Variants in MICU2 observed in about 807,000 individuals in gnomAD.
The protein encoded by MICU2 is mitochondrial calcium uptake 2.
Under a neutral mutation model 60.4 loss-of-function variants are expected in MICU2, and 64 were observed. The ratio of observed to expected loss-of-function variants is 1.06; its 90% CI spans 0.87 to 1.31. MICU2 has a LOEUF of 1.31. Ranked by LOEUF, MICU2 falls within the 50% of genes most tolerant of loss-of-function variation. The pLI is 0.00. For missense variants in MICU2, 569 were observed against 531.0 expected, an observed-to-expected ratio of 1.07 and a Z score of -0.70; for synonymous variants, 201 against 175.0, an observed-to-expected ratio of 1.15 and a Z score of -1.17.
In MICU2 at chr13:21,566,775, A is replaced by G. The variant is rs749678405; in HGVS notation, c.358+22T>C. 4 of 1,504,898 alleles carry G rather than the reference A, an allele frequency of 2.7e-6. No homozygotes were observed. The African/African-American group carries it at 5.7e-5, about 21-fold the overall frequency. 93.2% of individuals were successfully genotyped at this position (1,504,898 alleles called of 1,614,324 possible). On this transcript the variant is annotated intron_variant, in intron 2 of 11. Coordinates refer to ENST00000382374, the MANE Select transcript of MICU2 (RefSeq NM_152726.3). ...CCTGAAGTCTGATTTTTTTAATTAA[A>G]AAAAAAAAAGACCCAACTCACGTTC... is the stretch of plus-strand genomic sequence containing the variant.
Position 21,521,194 on chromosome 13 carries a change from CA to C in MICU2, c.597+50del, listed in dbSNP as rs1886707983. 3 of 1,344,710 alleles carry C rather than the reference CA, an allele frequency of 2.2e-6. No homozygotes were observed. The East Asian group carries it at 7.0e-5, about 32-fold the overall frequency. The allele number at this position is 1,344,710 out of a possible 1,614,324, so 83.3% of individuals were successfully genotyped here. A position where few individuals can be genotyped will look rare whatever the true frequency, so the allele number is the denominator to read the frequency against. On this transcript the variant is annotated intron_variant, in intron 6 of 11. Transcript: ENST00000382374. ...TTAATGGAAATGTAAAATTATCACA[CA>C]AACATCCAGGTATTTTATGATAAAC...
intron 1 of MICU2, among the ~76,000 whole-genome samples, chr13:21,590,019 T>G (rs1323885992): frequency 6.6e-6 from 1 of 152,208 alleles, no homozygotes; most frequent in Non-Finnish European, 1.5e-5. Context: ...GTGCTATTTC[T>G]TTTGCAGCAC....
intron 2 of MICU2, among the ~76,000 whole-genome samples, chr13:21,547,235 A>C (rs1021344405): frequency 6.6e-6 from 1 of 152,184 alleles, no homozygotes; most frequent in African/African-American, 2.4e-5. Context: ...TCCACTTTTG[A>C]TGGGGAGTGA....
chr13:21,519,196 A>T (rs28490553), intron 6 of MICU2, among the ~76,000 whole-genome samples: 3,237 of 152,240 alleles, frequency 0.021, 97 homozygotes, highest in African/African-American at 0.068. Context: ...AGCTGAGATT[A>T]CAGGCATACG....
intron 1 of MICU2, among the ~76,000 whole-genome samples, chr13:21,601,254 T>C (rs1888808999): frequency 6.6e-6 from 1 of 152,222 alleles, no homozygotes; most frequent in Non-Finnish European, 1.5e-5. Context: ...CACCTGTCCC[T>C]AAAGTAGTGG....
intron 1 of MICU2, among the ~76,000 whole-genome samples, chr13:21,597,792 G>A (rs1260984779): frequency 5.9e-5 from 9 of 151,842 alleles, no homozygotes; most frequent in African/African-American, 2.2e-4. Flanking sequence ...TTAGCCGGGC[G>A]TCATGGAGGG....
intron 8 of MICU2, among the ~76,000 whole-genome samples, chr13:21,507,216 G>T (rs1025041259): frequency 3.9e-5 from 6 of 151,946 alleles, no homozygotes; most frequent in African/African-American, 1.5e-4. Context: ...ATTTATAGAA[G>T]AACTAATTTA....
chr13:21,501,453 G>A (rs9509766), intron 9 of MICU2, among the ~76,000 whole-genome samples: 14,698 of 152,056 alleles, frequency 0.097, 823 homozygotes, highest in Middle Eastern at 0.2. Context: ...TAGTAGAGAC[G>A]TGGTTTCACC....
chr13:21,517,247 T>C (rs1190642317), intron 6 of MICU2, among the ~76,000 whole-genome samples: 1 of 152,256 alleles, frequency 6.6e-6, no homozygotes, highest in Non-Finnish European at 1.5e-5. Context: ...AAGGCTTTTA[T>C]TACCATACTT....
intron 1 of MICU2, among the ~76,000 whole-genome samples, chr13:21,594,413 C>A (rs1888649204): frequency 6.6e-6 from 1 of 152,172 alleles, no homozygotes. Flanking sequence ...GAAATAGGAA[C>A]ACTTTTACAC....
At chr13:21,597,637 T>C (rs73445744) in intron 1 of MICU2, among the ~76,000 whole-genome samples, 2,409 of 152,136 alleles carry the variant, frequency 0.016, 63 homozygotes, top group African/African-American at 0.056. Context: ...GTATATAAAA[T>C]AATTTCAGGG....
intron 1 of MICU2, among the ~76,000 whole-genome samples, chr13:21,583,877 T>A (rs1251796141): frequency 6.6e-6 from 1 of 152,232 alleles, no homozygotes; most frequent in East Asian, 1.9e-4. Context: ...ACAGTGTGAT[T>A]TAATCTCCTG....
chr13:21,598,225 A>G (rs1482560266), intron 1 of MICU2, among the ~76,000 whole-genome samples: 3 of 152,184 alleles, frequency 2.0e-5, no homozygotes, highest in Non-Finnish European at 4.4e-5. Flanking sequence ...AAAAAAAACT[A>G]AAGTATCCAA....
chr13:21,560,183 T>C (rs1490894297), intron 2 of MICU2, among the ~76,000 whole-genome samples: 1 of 152,238 alleles, frequency 6.6e-6, no homozygotes, highest in Non-Finnish European at 1.5e-5. Flanking sequence ...AATTTTAATA[T>C]GGTTGAATTT....
At chr13:21,538,838 C>T (rs1887202995) in intron 4 of MICU2, among the ~76,000 whole-genome samples, 1 of 152,112 alleles carries the variant, frequency 6.6e-6, no homozygotes, top group Admixed American at 6.5e-5. Flanking sequence ...GTTAAAATGT[C>T]AAACACTTCC....
At chr13:21,538,574 A>AAC (rs1325568800) in intron 4 of MICU2, among the ~76,000 whole-genome samples, 1 of 151,194 alleles carries the variant, frequency 6.6e-6, no homozygotes, top group African/African-American at 2.4e-5. Flanking sequence ...AAAAAAAAAA[A>AAC]AAAAAACCCC....
intron 4 of MICU2, among the ~76,000 whole-genome samples, chr13:21,538,562 C>CAAA (rs71650194): frequency 0.049 from 4,976 of 101,868 alleles, 392 homozygotes; most frequent in African/African-American, 0.15. Flanking sequence ...GACCCTGTCT[C>CAAA]AAAAAAAAAA....
At chr13:21,543,993 C>CTAGAAATACATCCA (rs1323562905) in intron 2 of MICU2, among the ~76,000 whole-genome samples, 1 of 151,916 alleles carries the variant, frequency 6.6e-6, no homozygotes, top group Admixed American at 6.6e-5. Context: ...AACAGAGAAC[C>CTAGAAATACATCCA]TAGAAATACA....
intron 7 of MICU2, among the ~76,000 whole-genome samples, chr13:21,512,760 C>T (rs991101759): frequency 6.6e-6 from 1 of 152,116 alleles, no homozygotes; most frequent in Non-Finnish European, 1.5e-5. Context: ...ACTTTTTCTT[C>T]TGTTGCTTGT....
Sources: gnomAD v4.1 joint callset for allele counts (sites outside exome capture counted in the v4.1 genomes callset) on GRCh38, gnomAD v4.1.1 for gene constraint, MANE v1.5 for transcripts, NCBI Gene and HGNC (gene_info 2026-07-23, HGNC 2026-07-21) for gene names.